C16orf96: variants seen among roughly 807,000 people sequenced by gnomAD.
C16orf96 encodes uncharacterized protein C16orf96.
In C16orf96, 108 loss-of-function variants were observed where a neutral mutation model predicts 103.6. The observed-to-expected ratio is 1.04, with a 90% CI of 0.89 to 1.22. The LOEUF is 1.22. C16orf96 is among the 50% of genes most tolerant of loss of function. The pLI is 0.00. For synonymous variants in C16orf96, 566 were observed against 593.5 expected (o/e 0.95, Z 0.67); for missense variants, 1,586 against 1,464.2 (o/e 1.08, Z -1.36).
intron 11 of C16orf96, among the ~76,000 whole-genome samples, chr16:4,592,681 C>T (rs1897086617): frequency 6.6e-6 from 1 of 152,214 alleles, no homozygotes; most frequent in Admixed American, 6.5e-5. Context: ...TGTCCACATA[C>T]ACTGTTCTAC....
chr16:4,571,572 C>A lies in C16orf96; in HGVS notation c.432C>A (p.Thr144=). ...HDEVMAKSMQ[T]LQDLLTDLHA... is the part of the protein sequence containing the mutation. Reference sequence around the variant, plus strand: ...CTCCTCTTTTGCAGTCAATGCAGACCCTGCAGGACTTGCTCACTGATCTTC... The same window carrying A: ...CTCCTCTTTTGCAGTCAATGCAGACACTGCAGGACTTGCTCACTGATCTTC... The change falls in exon 2 of 16, where the codon ACC becomes ACA. Residue 144 remains threonine, a synonymous_variant. Coordinates refer to ENST00000444310, the MANE Select transcript of C16orf96 (RefSeq NM_001145011.2). 6.4e-7 allele frequency: 1 copy of A among 1,552,076 alleles called. No homozygotes were observed. The highest frequency in any genetic ancestry group is 1.2e-5 in the South Asian group (1 of 84,042).
intron 7 of C16orf96, among the ~76,000 whole-genome samples, chr16:4,585,829 G>C (rs552196381): frequency 1.3e-5 from 2 of 152,312 alleles, no homozygotes; most frequent in South Asian, 4.1e-4. Flanking sequence ...TATTCTAAGT[G>C]AAGCAACTCA....
chr16:4,562,406 G>C (rs1248848184), intron 1 of C16orf96, among the ~76,000 whole-genome samples: 1 of 151,080 alleles, frequency 6.6e-6, no homozygotes, highest in Admixed American at 6.6e-5. Context: ...GGGAGGTCGA[G>C]GCTGCAGTGA....
At chr16:4,599,459 C>T in intron 15 of C16orf96, 95 bp downstream of exon 15, 1 of 1,093,204 alleles carries the variant, frequency 9.1e-7, no homozygotes, top group Non-Finnish European at 1.4e-6. Context: ...CCCGCCTGGG[C>T]TCTCCTGTCC....
At chr16:4,555,269 TAC>T (rs71139639), upstream of C16orf96, among the ~76,000 whole-genome samples, 753 of 145,650 alleles carry the variant, frequency 5.2e-3, 4 homozygotes, top group African/African-American at 0.013. Context: ...TCACACACAC[TAC>T]ACACACACAC....
rs142256892 is a variant in C16orf96, at chr16:4,569,499, T to G, written c.421-2062T>G. ...CTGGTGAGTTGGCTCATGCCTGTAA[T>G]CCCAGCACTCTGGGAGGCCGAGGTG... On this transcript the variant is annotated intron_variant, in intron 1 of 15. Coordinates refer to ENST00000444310, the MANE Select transcript of C16orf96 (RefSeq NM_001145011.2). Among the ~76,000 whole-genome samples the G allele has an allele frequency of 4.2e-3, 633 of 151,376 alleles. 1 individual carries two copies. The highest frequency in any genetic ancestry group is 0.014 in the African/African-American group (573 of 41,370).
chr16:4,561,974 G>A (rs1000923373), intron 1 of C16orf96, among the ~76,000 whole-genome samples: 5 of 152,070 alleles, frequency 3.3e-5, no homozygotes, highest in East Asian at 1.9e-4. Flanking sequence ...AAACTGTTTC[G>A]TCTAACCCTG....
chr16:4,599,631 TCTGGTTCGGATCACCACGTAGCAGGCAC>T (rs548321753), intron 15 of C16orf96, among the ~76,000 whole-genome samples: 1 of 152,368 alleles, frequency 6.6e-6, no homozygotes, highest in South Asian at 2.1e-4. Context: ...ACTGAGCTTC[TCTGGTTCGGATCACCACGTAGCAGGCAC>T]CTGAGGGTAC....
intron 15 of C16orf96, 56 bp from the exon 16 acceptor site, chr16:4,600,044 G>C: frequency 6.8e-7 from 1 of 1,472,292 alleles, no homozygotes; most frequent in Non-Finnish European, 9.2e-7. Flanking sequence ...CATCAGGCTA[G>C]TGTCTCCCAA....
At chr16:4,547,278 G>GT in the C16orf96 span, among the ~76,000 whole-genome samples, 1 of 152,126 alleles carries the variant, frequency 6.6e-6, no homozygotes, top group East Asian at 1.9e-4. Flanking sequence ...GGAATTACAG[G>GT]TGTGCCCACC....
At chr16:4,564,209 C>T (rs567981572) in intron 1 of C16orf96, among the ~76,000 whole-genome samples, 9 of 152,054 alleles carry the variant, frequency 5.9e-5, no homozygotes, top group African/African-American at 2.2e-4. Context: ...ACTGGTTTTG[C>T]TTTGTTTTTA....
the C16orf96 span, among the ~76,000 whole-genome samples, chr16:4,539,119 G>A: frequency 6.6e-6 from 1 of 152,178 alleles, no homozygotes; most frequent in Admixed American, 6.5e-5. Flanking sequence ...CACGGTCACT[G>A]TCCCTGCGCT....
rs1896943020 is a variant in C16orf96 at position 4,587,036 on chromosome 16, T to A, written c.2353-3T>A. On this transcript the variant is annotated splice_polypyrimidine_tract_variant and splice_region_variant and intron_variant, in intron 7 of 15. Transcript: ENST00000444310. The stretch of plus-strand genomic sequence containing the variant: ...GCAGACATGCCTGTGCTTCTGTTCT[T>A]AGACTCTCCAGGCTCAAATCAAAAG... 1 of 1,551,398 alleles carries A rather than the reference T, an allele frequency of 6.4e-7. No homozygotes were observed. The highest frequency in any genetic ancestry group is 8.7e-7 in the Non-Finnish European group (1 of 1,146,804).
the C16orf96 span, among the ~76,000 whole-genome samples, chr16:4,539,042 C>T: frequency 6.6e-6 from 1 of 152,204 alleles, no homozygotes. Flanking sequence ...TCCAGGGCTG[C>T]ATTTTTTCTT....
intron 7 of C16orf96, among the ~76,000 whole-genome samples, chr16:4,584,983 T>C (rs1475483358): frequency 1.3e-5 from 2 of 151,960 alleles, no homozygotes; most frequent in Non-Finnish European, 2.9e-5. Flanking sequence ...AATAATAAGA[T>C]TATAAAACAT....
Position 4,591,692 on chromosome 16 carries a change from G to C in C16orf96, c.2619G>C (p.Leu873Phe), listed in dbSNP as rs1460333026. ...TKLVHSDLDP[L>F]KKEMEEVWKI... ...TAGTCCACAGTGATCTGGATCCCTT[G>C]AAGAAAGAAATGGAAGAGGTCTGGA... The change falls in exon 10 of 16, where the codon TTG (leucine) becomes TTC (phenylalanine). Residue 873 changes from leucine to phenylalanine, a missense_variant. By Grantham distance (22) the Leu-to-Phe change is conservative. Coordinates refer to ENST00000444310, the MANE Select transcript of C16orf96 (RefSeq NM_001145011.2). 1 of 1,551,620 alleles carries C rather than the reference G, an allele frequency of 6.4e-7. No individual in the cohort carries two copies. Among genetic ancestry groups the C allele is most frequent in the Non-Finnish European group, 8.7e-7 (1 of 1,146,940 alleles).
Position 4,556,677 on chromosome 16 carries a change from G to T in C16orf96, c.188G>T (p.Arg63Met), listed in dbSNP as rs116515725. The T allele has an allele frequency of 1.7e-3, 2,657 of 1,551,512 alleles. 43 individuals carry two copies. In the African/African-American group the frequency reaches 0.029, roughly 17 times the overall value. Residue 63 changes from arginine (R) to methionine (M), a missense_variant, in exon 1 of 16, where the codon AGG becomes ATG. Physicochemically the swap from Arg to Met is moderately conservative, Grantham distance 91. Coordinates refer to ENST00000444310, the MANE Select transcript of C16orf96 (RefSeq NM_001145011.2). ...LQTSQVVIMP[R>M]EGDAQPILNP... ...ACCTCGCAGGTGGTCATCATGCCCA[G>T]GGAAGGAGACGCCCAGCCTATCCTC...
Position 4,600,485 on chromosome 16 carries a change from A to ATG in C16orf96, c.*169_*170dup, listed in dbSNP as rs1897261133. ...CCCTCCATGTCCGAGGCTGAGGCTC[A>ATG]TGCGCCCCCCCCCATCCCTACCAAG... On this transcript the variant is annotated 3_prime_UTR_variant, in exon 16 of 16. Coordinates refer to ENST00000444310, the MANE Select transcript of C16orf96 (RefSeq NM_001145011.2). 3.0e-6 allele frequency: 1 copy of ATG among 336,622 alleles called. No individual in the cohort carries two copies. The highest frequency in any genetic ancestry group is 5.2e-6 in the Non-Finnish European group (1 of 191,468). The allele number at this position is 336,622 out of a possible 1,614,324, so 20.9% of individuals were successfully genotyped here. A position where few individuals can be genotyped will look rare whatever the true frequency, so the allele number is the denominator to read the frequency against.
At chr16:4,565,273 C>G (rs2059375368) in intron 1 of C16orf96, among the ~76,000 whole-genome samples, 1 of 152,158 alleles carries the variant, frequency 6.6e-6, no homozygotes, top group South Asian at 2.1e-4. Context: ...CCCTTGAACT[C>G]AGCACCATCC....
Sources: gnomAD v4.1 joint callset for allele counts (sites outside exome capture counted in the v4.1 genomes callset) on GRCh38, gnomAD v4.1.1 for gene constraint, MANE v1.5 for transcripts, NCBI Gene and HGNC (gene_info 2026-07-23, HGNC 2026-07-21) for gene names.